ATG5: variants seen among roughly 807,000 people sequenced by gnomAD.
ATG5 encodes the protein autophagy related 5.
Under a neutral mutation model 36.5 loss-of-function variants are expected in ATG5, and 14 were observed. The ratio of observed to expected loss-of-function variants is 0.38; its 90% CI spans 0.25 to 0.60. The LOEUF (loss-of-function observed/expected upper bound fraction) is 0.60. Among genes scored for constraint, ATG5 ranks in the 20% least tolerant of loss-of-function variants. The pLI is 0.60. For synonymous variants in ATG5, 95 were observed against 101.5 expected (o/e 0.94, Z 0.38); for missense variants, 195 against 326.7 (o/e 0.60, Z 3.11).
intron 5 of ATG5, among the ~76,000 whole-genome samples, chr6:106,254,468 ATGTT>A (rs1322038561): frequency 2.6e-5 from 4 of 152,198 alleles, no homozygotes; most frequent in African/African-American, 4.8e-5. Context: ...TACTCAACGA[ATGTT>A]TGTTAATCAC....
chr6:106,194,364 A>G (rs1776090374), intron 7 of ATG5, among the ~76,000 whole-genome samples: 1 of 152,144 alleles, frequency 6.6e-6, no homozygotes, highest in Admixed American at 6.5e-5. Context: ...TTTTGTCCAA[A>G]TACTTAAAAG....
intron 6 of ATG5, among the ~76,000 whole-genome samples, chr6:106,202,994 G>C (rs1776494550): frequency 1.3e-5 from 2 of 152,180 alleles, no homozygotes; most frequent in Admixed American, 1.3e-4. Flanking sequence ...GGTTGAGAGA[G>C]AGACAGAGAG....
chr6:106,272,354 T>TA (rs1779485274), intron 5 of ATG5, among the ~76,000 whole-genome samples: 1 of 152,198 alleles, frequency 6.6e-6, no homozygotes, highest in South Asian at 2.1e-4. Flanking sequence ...GGGATTAAGT[T>TA]CAATATTGTT....
intron 5 of ATG5, among the ~76,000 whole-genome samples, chr6:106,275,549 CATT>C (rs759879868): frequency 2.4e-4 from 37 of 152,176 alleles, no homozygotes; most frequent in Admixed American, 3.9e-4. Context: ...TTTAACCAAA[CATT>C]ATTAAGTTGG....
At chr6:106,294,445 T>C (rs928961066) in intron 3 of ATG5, among the ~76,000 whole-genome samples, 3 of 151,544 alleles carry the variant, frequency 2.0e-5, no homozygotes, top group Non-Finnish European at 4.4e-5. Context: ...TATAATTGTA[T>C]ATATAATTTA....
At position 106,195,878 on chromosome 6, in the gene ATG5, C is replaced by T. The variant is rs536254788; in HGVS notation, c.691+6094G>A. Reference sequence around the variant, plus strand: ...TGTATCCCCTAGAAAAGGATGTACACGTAGAGCAGCCTAGAAATTTAACAG... The same window carrying T: ...TGTATCCCCTAGAAAAGGATGTACATGTAGAGCAGCCTAGAAATTTAACAG... On this transcript the variant is annotated intron_variant, in intron 7 of 7. Transcript: ENST00000369076. Among the ~76,000 whole-genome samples the T allele has an allele frequency of 1.1e-3, 161 of 149,110 alleles. 1 individual carries two copies. The highest frequency in any genetic ancestry group is 3.8e-3 in the African/African-American group (154 of 40,552).
At chr6:106,288,872 G>A (rs1400161091) in intron 4 of ATG5, among the ~76,000 whole-genome samples, 1 of 152,096 alleles carries the variant, frequency 6.6e-6, no homozygotes, top group Non-Finnish European at 1.5e-5. Flanking sequence ...GAGGAAATAT[G>A]TCTGTTTGAA....
intron 2 of ATG5, among the ~76,000 whole-genome samples, chr6:106,312,885 A>C (rs1035159377): frequency 5.9e-5 from 9 of 152,368 alleles, no homozygotes; most frequent in African/African-American, 1.9e-4. Context: ...CAGAAAACTA[A>C]CTGGTAGGAG....
intron 6 of ATG5, among the ~76,000 whole-genome samples, chr6:106,213,170 A>G (rs1057369656): frequency 1.3e-5 from 2 of 152,384 alleles, no homozygotes; most frequent in East Asian, 3.9e-4. Flanking sequence ...TTCATTCATT[A>G]CATATTTACT....
rs902494759 is a variant in ATG5 at position 106,265,499 on chromosome 6, G to A, written c.478+14162C>T. Among the ~76,000 whole-genome samples the A allele has an allele frequency of 2.4e-4, 37 of 152,050 alleles. 1 individual carries two copies. The highest frequency in any genetic ancestry group is 8.9e-4 in the African/African-American group (37 of 41,394). On this transcript the variant is annotated intron_variant, in intron 5 of 7. Coordinates refer to ENST00000369076, the MANE Select transcript of ATG5 (RefSeq NM_004849.4). ...ACTTGAACTCAGCTCTGGACCAAGT[G>A]GACCTAATAGACATCAACAGAACTC...
At chr6:106,225,009 T>C (rs1036555816) in intron 6 of ATG5, among the ~76,000 whole-genome samples, 12 of 152,252 alleles carry the variant, frequency 7.9e-5, no homozygotes, top group Non-Finnish European at 1.5e-4. Flanking sequence ...GCCATCATCA[T>C]TGCTGTTAAA....
In ATG5 at chr6:106,304,478, G is replaced by A. The variant is rs141201435; in HGVS notation, c.236+3886C>T. On this transcript the variant is annotated intron_variant, in intron 3 of 7. Coordinates refer to ENST00000369076, the MANE Select transcript of ATG5 (RefSeq NM_004849.4). Reference sequence around the variant, plus strand: ...CAATTTGTGGTATAACCATACAGTGGGATACTCAGCAACTCAGCAACAAAA... The same window carrying A: ...CAATTTGTGGTATAACCATACAGTGAGATACTCAGCAACTCAGCAACAAAA... Among the ~76,000 whole-genome samples, 261 of 152,060 alleles carry A rather than the reference G, an allele frequency of 1.7e-3. 1 individual carries two copies. Among genetic ancestry groups the A allele is most frequent in the African/African-American group, 5.8e-3 (241 of 41,454 alleles).
intron 5 of ATG5, among the ~76,000 whole-genome samples, chr6:106,260,927 C>T (rs1163543290): frequency 2.6e-5 from 4 of 152,144 alleles, no homozygotes; most frequent in African/African-American, 9.7e-5. Context: ...GGGGGCTTGA[C>T]ATTCTCAATA....
chr6:106,254,295 C>G (rs1023140746), intron 5 of ATG5, among the ~76,000 whole-genome samples: 1 of 152,162 alleles, frequency 6.6e-6, no homozygotes, highest in South Asian at 2.1e-4. Flanking sequence ...AAATACTTAT[C>G]GTTACTTCAA....
intron 7 of ATG5, among the ~76,000 whole-genome samples, chr6:106,200,480 T>A (rs1388539945): frequency 6.6e-6 from 1 of 151,680 alleles, no homozygotes; most frequent in Non-Finnish European, 1.5e-5. Flanking sequence ...CTCTGCAATT[T>A]TTTTTTTTTT....
At chr6:106,297,522 T>C (rs546837949) in intron 3 of ATG5, among the ~76,000 whole-genome samples, 1 of 152,126 alleles carries the variant, frequency 6.6e-6, no homozygotes, top group African/African-American at 2.4e-5. Flanking sequence ...CAGAGGTATA[T>C]TTGAATGTAT....
Position 106,265,387 on chromosome 6 carries a change from C to T in ATG5, c.478+14274G>A, listed in dbSNP as rs150389752. 2.9e-3 allele frequency among the ~76,000 whole-genome samples: 447 copies of T among 152,222 alleles called. 2 individuals carry two copies. The highest frequency in any genetic ancestry group is 0.01 in the African/African-American group (418 of 41,536). ...CAAGATCTACGAAGAGACTTGAACT[C>T]CCACACAATAATAGTGGGGGATTTT... On this transcript the variant is annotated intron_variant, in intron 5 of 7. Coordinates refer to ENST00000369076, the MANE Select transcript of ATG5 (RefSeq NM_004849.4).
At chr6:106,262,342 G>A (rs1044680295) in intron 5 of ATG5, among the ~76,000 whole-genome samples, 1 of 152,094 alleles carries the variant, frequency 6.6e-6, no homozygotes, top group Admixed American at 6.5e-5. Flanking sequence ...GGGATTACAG[G>A]CATGAGCCAC....
intron 6 of ATG5, among the ~76,000 whole-genome samples, chr6:106,223,130 G>A (rs1777312303): frequency 6.6e-6 from 1 of 152,068 alleles, no homozygotes; most frequent in Non-Finnish European, 1.5e-5. Flanking sequence ...GCCATCAGAT[G>A]ATCTGTTATT....
Sources: gnomAD v4.1 joint callset for allele counts (sites outside exome capture counted in the v4.1 genomes callset) on GRCh38, gnomAD v4.1.1 for gene constraint, MANE v1.5 for transcripts, NCBI Gene and HGNC (gene_info 2026-07-23, HGNC 2026-07-21) for gene names.